ZSWIM6: variants seen among roughly 807,000 people sequenced by gnomAD.
ZSWIM6 encodes the protein zinc finger SWIM domain-containing protein 6.
Under a neutral mutation model 113.2 loss-of-function variants are expected in ZSWIM6, and 9 were observed. That is an observed-to-expected ratio of 0.08 (90% CI 0.05 to 0.14). The LOEUF is 0.14. ZSWIM6 is among the 10% of genes least tolerant of loss of function. The probability of loss-of-function intolerance (pLI) is 1.00; values close to 1 mark genes in which losing one functional copy is unlikely to be tolerated. For synonymous variants in ZSWIM6, 611 were observed against 606.5 expected, an observed-to-expected ratio of 1.01 and a Z score of -0.11; for missense variants, 1,162 against 1,552.2, an observed-to-expected ratio of 0.75 and a Z score of 4.22.
chr5:61,360,210 A>C (rs565867829), intron 1 of ZSWIM6, among the ~76,000 whole-genome samples: 1 of 145,322 alleles, frequency 6.9e-6, no homozygotes, highest in African/African-American at 2.7e-5. Flanking sequence ...CTGCTGTTGG[A>C]GGTATCGCTA....
intron 1 of ZSWIM6, among the ~76,000 whole-genome samples, chr5:61,466,343 A>G (rs1191853904): frequency 6.6e-6 from 1 of 152,160 alleles, no homozygotes. Context: ...ACACTTTTGC[A>G]TTTTTAGACT....
At chr5:61,347,760 G>C (rs1459786442) in intron 1 of ZSWIM6, 1 of 152,210 alleles carries the variant, frequency 6.6e-6, no homozygotes, top group Non-Finnish European at 1.5e-5. Flanking sequence ...ATTTATGATA[G>C]AATGTCCTGG....
chr5:61,435,508 A>G (rs1179629739), intron 1 of ZSWIM6, among the ~76,000 whole-genome samples: 1 of 152,244 alleles, frequency 6.6e-6, no homozygotes, highest in Non-Finnish European at 1.5e-5. Context: ...TGCAGTGGCT[A>G]GAAAGAACAA....
chr5:61,413,494 T>C (rs1202951840), intron 1 of ZSWIM6, among the ~76,000 whole-genome samples: 1 of 152,138 alleles, frequency 6.6e-6, no homozygotes, highest in Non-Finnish European at 1.5e-5. Context: ...TGTGTGCCTG[T>C]GTCTTTATAG....
At chr5:61,356,825 T>A (rs1435933930) in intron 1 of ZSWIM6, among the ~76,000 whole-genome samples, 13 of 143,330 alleles carry the variant, frequency 9.1e-5, no homozygotes, top group East Asian at 2.0e-4. Flanking sequence ...AAATAAAAAA[T>A]ATATATTTTA....
rs1020212633 is a variant in ZSWIM6 at position 61,535,736 on chromosome 5, A to G, written c.2381+117A>G. ...AGGCAGCAGAAAAGCTAAAGAAACT[A>G]TGTATTTATGCTTCCTGTATTGTTG... On this transcript the variant is annotated intron_variant, in intron 10 of 13. Transcript: ENST00000252744. The G allele has an allele frequency of 5.2e-5, 66 of 1,276,542 alleles. No individual in the cohort carries two copies. In the Admixed American group the frequency reaches 5.4e-4, roughly 10 times the overall value. The allele number at this position is 1,276,542 out of a possible 1,614,324, so 79.1% of individuals were successfully genotyped here.
chr5:61,337,541 GC>G (rs1744429157), intron 1 of ZSWIM6, among the ~76,000 whole-genome samples: 1 of 152,300 alleles, frequency 6.6e-6, no homozygotes, highest in African/African-American at 2.4e-5. Flanking sequence ...AGAGTAAAAA[GC>G]TGGAGTTAAC....
intron 5 of ZSWIM6, among the ~76,000 whole-genome samples, chr5:61,525,214 A>G (rs1749244285): frequency 6.6e-6 from 1 of 152,216 alleles, no homozygotes; most frequent in Non-Finnish European, 1.5e-5. Flanking sequence ...ATATGCATTT[A>G]TGCCCTTTGG....
At chr5:61,335,861 T>C (rs559647719) in intron 1 of ZSWIM6, among the ~76,000 whole-genome samples, 1 of 152,330 alleles carries the variant, frequency 6.6e-6, no homozygotes, top group South Asian at 2.1e-4. Context: ...GGGAAAAAAA[T>C]AAACCTTTGT....
At chr5:61,380,822 C>T (rs1439295464) in intron 1 of ZSWIM6, among the ~76,000 whole-genome samples, 5 of 152,036 alleles carry the variant, frequency 3.3e-5, no homozygotes, top group East Asian at 3.9e-4. Flanking sequence ...ATTTATGGGC[C>T]GGGCGAGGTG....
At chr5:61,371,067 C>G (rs899928728) in intron 1 of ZSWIM6, among the ~76,000 whole-genome samples, 23 of 152,154 alleles carry the variant, frequency 1.5e-4, no homozygotes, top group Admixed American at 2.0e-4. Flanking sequence ...GGCTCTGCCC[C>G]AGGGTGGGGA....
In ZSWIM6 at chr5:61,392,799, A is replaced by G. The variant is rs1745751050; in HGVS notation, c.676+59851A>G. On this transcript the variant is annotated intron_variant, in intron 1 of 13. Transcript: ENST00000252744. ...TGCTAATTTTGTATTTTTAGTAGAG[A>G]CAGGGTTTCTCCATGTTGGTCAGGC... is the stretch of plus-strand genomic sequence containing the variant. Among the ~76,000 whole-genome samples the G allele has an allele frequency of 2.0e-5, 3 of 151,728 alleles. 1 individual carries two copies. In the South Asian group the frequency reaches 6.2e-4, roughly 32 times the overall value.
intron 9 of ZSWIM6, among the ~76,000 whole-genome samples, chr5:61,532,537 A>G (rs988697247): frequency 1.3e-5 from 2 of 152,190 alleles, no homozygotes; most frequent in Non-Finnish European, 2.9e-5. Context: ...TGTTATATTC[A>G]TCTTATGTTC....
In ZSWIM6 at chr5:61,539,595, G is replaced by T; in HGVS notation, c.2540-1G>T. 2 of 1,549,426 alleles carry T rather than the reference G, an allele frequency of 1.3e-6. No homozygotes were observed. Among genetic ancestry groups the T allele is most frequent in the Non-Finnish European group, 8.7e-7 (1 of 1,145,780 alleles). On this transcript the variant is annotated splice_acceptor_variant, in intron 11 of 13. Coordinates refer to ENST00000252744, the MANE Select transcript of ZSWIM6 (RefSeq NM_020928.2). LOFTEE classifies it high-confidence loss of function. Reference sequence around the variant, plus strand: ...GTTTGGTTTTCCCTTGTTCATTGCAGGCGATGTTCGGAGGCTGGAAACAGT... The same window carrying T: ...GTTTGGTTTTCCCTTGTTCATTGCATGCGATGTTCGGAGGCTGGAAACAGT...
intron 1 of ZSWIM6, among the ~76,000 whole-genome samples, chr5:61,422,726 GTCT>G (rs1181917372): frequency 3.3e-5 from 5 of 152,026 alleles, no homozygotes; most frequent in Non-Finnish European, 7.4e-5. Context: ...TTTTGTGTGT[GTCT>G]TCTTTTATTT....
At chr5:61,369,136 G>T (rs971865284) in intron 1 of ZSWIM6, among the ~76,000 whole-genome samples, 1 of 152,130 alleles carries the variant, frequency 6.6e-6, no homozygotes, top group African/African-American at 2.4e-5. Flanking sequence ...ACTTCATTGG[G>T]CACTGGATAT....
chr5:61,395,609 A>G (rs1040193790), intron 1 of ZSWIM6, among the ~76,000 whole-genome samples: 1 of 152,242 alleles, frequency 6.6e-6, no homozygotes, highest in African/African-American at 2.4e-5. Context: ...CAAAATGGAT[A>G]TCAAAAATTA....
intron 2 of ZSWIM6, 96 bp from the exon 3 acceptor site, chr5:61,490,690 T>G (rs1748155590): frequency 8.2e-7 from 1 of 1,226,418 alleles, no homozygotes; most frequent in Non-Finnish European, 1.1e-6. Flanking sequence ...GAAATTGAGA[T>G]TGAATTAAAA....
chr5:61,359,996 C>CAGAGAG (rs146077379), intron 1 of ZSWIM6, among the ~76,000 whole-genome samples: 2 of 147,500 alleles, frequency 1.4e-5, no homozygotes, highest in East Asian at 2.0e-4. Context: ...ACCAGAAAAG[C>CAGAGAG]AGAGAGAGAG....
Sources: gnomAD v4.1 joint callset for allele counts (sites outside exome capture counted in the v4.1 genomes callset) on GRCh38, gnomAD v4.1.1 for gene constraint, MANE v1.5 for transcripts, NCBI Gene and HGNC (gene_info 2026-07-23, HGNC 2026-07-21) for gene names.